Variants in MYT1L observed in about 807,000 individuals in gnomAD.
MYT1L encodes myelin transcription factor 1-like protein.
Under a neutral mutation model 126.7 loss-of-function variants are expected in MYT1L, and 12 were observed. The ratio of observed to expected loss-of-function variants is 0.09; its 90% CI spans 0.06 to 0.15. MYT1L has a LOEUF of 0.15. MYT1L is among the 10% of genes least tolerant of loss of function. The pLI is 1.00. For missense variants in MYT1L, 979 were observed against 1,585.2 expected, an observed-to-expected ratio of 0.62 and a Z score of 6.49; for synonymous variants, 541 against 604.2, an observed-to-expected ratio of 0.90 and a Z score of 1.53.
At chr2:2,149,668 A>T (rs2085436782) in intron 3 of MYT1L, among the ~76,000 whole-genome samples, 1 of 152,326 alleles carries the variant, frequency 6.6e-6, no homozygotes, top group Non-Finnish European at 1.5e-5. Context: ...TCATTCTGGC[A>T]TTGCAAGCAT....
At chr2:1,839,097 C>A (rs1031101732) in intron 21 of MYT1L, 52 bp downstream of exon 21, 1 of 1,492,134 alleles carries the variant, frequency 6.7e-7, no homozygotes, top group South Asian at 1.3e-5. Context: ...CCGTGCCAGT[C>A]GGCTCTCGGC....
chr2:2,284,777 C>T (rs2095494030), intron 1 of MYT1L, among the ~76,000 whole-genome samples: 2 of 123,496 alleles, frequency 1.6e-5, no homozygotes, highest in Admixed American at 1.5e-4. Context: ...GGGATCTTGG[C>T]TCACTGGAGC....
intron 2 of MYT1L, among the ~76,000 whole-genome samples, chr2:2,280,574 G>C (rs1245669729): frequency 1.3e-5 from 2 of 152,196 alleles, no homozygotes; most frequent in Non-Finnish European, 2.9e-5. Context: ...GGTCTCTCCT[G>C]CTGAGAATGG....
chr2:2,208,999 TAC>T (rs34194445), intron 2 of MYT1L, among the ~76,000 whole-genome samples: 1,704 of 149,708 alleles, frequency 0.011, 24 homozygotes, highest in African/African-American at 0.029. Context: ...GGGAGGCATT[TAC>T]ACACACACAC....
At chr2:2,096,233 C>T (rs2077455594) in intron 3 of MYT1L, among the ~76,000 whole-genome samples, 1 of 152,138 alleles carries the variant, frequency 6.6e-6, no homozygotes, top group African/African-American at 2.4e-5. Flanking sequence ...CAGGTCTGTC[C>T]AGGGTGCCAC....
intron 21 of MYT1L, among the ~76,000 whole-genome samples, chr2:1,831,042 C>T (rs2040095334): frequency 6.6e-6 from 1 of 152,226 alleles, no homozygotes; most frequent in African/African-American, 2.4e-5. Context: ...GTCTCCAATT[C>T]CCTGTGTGTC....
chr2:2,033,041 G>C (rs528426233), intron 4 of MYT1L, among the ~76,000 whole-genome samples: 57 of 133,732 alleles, frequency 4.3e-4, no homozygotes, highest in African/African-American at 1.6e-3. Context: ...GATTCTAGAA[G>C]GAGGGCCTTA....
chr2:1,980,654 T>C (rs1439637359), intron 5 of MYT1L, among the ~76,000 whole-genome samples: 2 of 152,184 alleles, frequency 1.3e-5, no homozygotes, highest in South Asian at 2.1e-4. Context: ...ATTTAATACA[T>C]GAGAAAACTA....
chr2:2,312,760 C>G (rs1313730996), intron 1 of MYT1L, among the ~76,000 whole-genome samples: 1 of 152,076 alleles, frequency 6.6e-6, no homozygotes, highest in Non-Finnish European at 1.5e-5. Flanking sequence ...TAACCAAGGA[C>G]AGAGGAGAAC....
At chr2:2,269,646 G>A (rs905848688) in intron 2 of MYT1L, among the ~76,000 whole-genome samples, 2 of 152,156 alleles carry the variant, frequency 1.3e-5, no homozygotes, top group Admixed American at 6.5e-5. Context: ...CCATTGGTGA[G>A]CCCAGTAATC....
chr2:2,085,495 T>C (rs752051655), intron 3 of MYT1L, among the ~76,000 whole-genome samples: 2 of 152,116 alleles, frequency 1.3e-5, no homozygotes, highest in Admixed American at 1.3e-4. Flanking sequence ...ACCCCCAGAA[T>C]AGTTTCTCCT....
chr2:1,904,784 C>T (rs2050813701), intron 13 of MYT1L, among the ~76,000 whole-genome samples: 1 of 147,458 alleles, frequency 6.8e-6, no homozygotes, highest in Non-Finnish European at 1.5e-5. Flanking sequence ...TCACGAACCA[C>T]CACGCCTGGC....
intron 2 of MYT1L, among the ~76,000 whole-genome samples, chr2:2,178,877 C>A (rs1389393917): frequency 6.6e-6 from 1 of 152,136 alleles, no homozygotes; most frequent in East Asian, 1.9e-4. Flanking sequence ...CTCCTTTCTC[C>A]AACAAAGTGA....
chr2:2,222,263 G>A (rs2093895621), intron 2 of MYT1L, among the ~76,000 whole-genome samples: 1 of 152,120 alleles, frequency 6.6e-6, no homozygotes, highest in Non-Finnish European at 1.5e-5. Flanking sequence ...GGAAGGCTGA[G>A]GTGGGTGGAT....
intron 9 of MYT1L, among the ~76,000 whole-genome samples, chr2:1,926,625 C>T (rs1055351123): frequency 1.3e-4 from 20 of 152,154 alleles, no homozygotes; most frequent in Non-Finnish European, 1.2e-4. Flanking sequence ...TGCAGTGGTG[C>T]GATCTGAGCT....
At chr2:2,300,123 G>T (rs959728125) in intron 1 of MYT1L, among the ~76,000 whole-genome samples, 1 of 152,184 alleles carries the variant, frequency 6.6e-6, no homozygotes, top group Non-Finnish European at 1.5e-5. Flanking sequence ...CTGTGAAAAT[G>T]TGTCTTCTTT....
chr2:1,958,781 T>C (rs2058723903), intron 8 of MYT1L, among the ~76,000 whole-genome samples: 1 of 151,614 alleles, frequency 6.6e-6, no homozygotes, highest in South Asian at 2.1e-4. Flanking sequence ...CTTCTAGGAT[T>C]CTCTGGCCCA....
intron 3 of MYT1L, among the ~76,000 whole-genome samples, chr2:2,111,879 GGTGGGCGTTGCC>G (rs2079507120): frequency 6.6e-6 from 1 of 152,232 alleles, no homozygotes; most frequent in African/African-American, 2.4e-5. Flanking sequence ...TGGCTGCCAT[GGTGGGCGTTGCC>G]CCCGGGCAGT....
chr2:1,883,246 C>T (rs1298626423), intron 18 of MYT1L, among the ~76,000 whole-genome samples: 3 of 152,200 alleles, frequency 2.0e-5, no homozygotes, highest in African/African-American at 4.8e-5. Context: ...TTGTTGGCTC[C>T]TCTTAAGAGC....
Sources: gnomAD v4.1 joint callset for allele counts (sites outside exome capture counted in the v4.1 genomes callset) on GRCh38, gnomAD v4.1.1 for gene constraint, MANE v1.5 for transcripts, NCBI Gene and HGNC (gene_info 2026-07-23, HGNC 2026-07-21) for gene names.